The following EYS variants were observed in gnomAD, a reference collection of about 807,000 sequenced individuals.
EYS encodes the protein EGF-like photoreceptor maintenance factor, also known as protein eyes shut homolog.
EYS carries 250 observed loss-of-function variants against 282.1 expected under a neutral mutation model. That is an observed-to-expected ratio of 0.89 (90% CI 0.80 to 0.98). The LOEUF (loss-of-function observed/expected upper bound fraction) is 0.98. EYS is among the 50% of genes least tolerant of loss of function. The pLI, the probability that EYS is intolerant of heterozygous loss-of-function variation, is 0.00. For missense variants in EYS, 4,016 were observed against 3,709.0 expected (o/e 1.08, Z -2.15); for synonymous variants, 1,355 against 1,282.9 (o/e 1.06, Z -1.20).
intron 29 of EYS, among the ~76,000 whole-genome samples, chr6:64,339,752 C>T (rs1000697417): frequency 6.6e-6 from 1 of 151,692 alleles, no homozygotes; most frequent in African/African-American, 2.4e-5. Flanking sequence ...GCATTTGCAG[C>T]GACCTGGATG....
Position 65,494,824 on chromosome 6 carries a change from T to C in EYS, c.587A>G (p.Lys196Arg). The change falls in exon 4 of 43, where the codon AAG (lysine) becomes AGG (arginine). Residue 196 changes from lysine (K) to arginine (R), a missense_variant. By Grantham distance (26) the Lys-to-Arg change is conservative. Transcript: ENST00000503581. Reference sequence around the variant, plus strand: ...AGGCTGGCAATGGCAGCTATATGTCTTGCTCCAAGCTTCACTAAGACATTT... The same window carrying C: ...AGGCTGGCAATGGCAGCTATATGTCCTGCTCCAAGCTTCACTAAGACATTT... ...HGKCLSEAWSKTYSCHCQPPF... is the reference protein window; with the variant it reads ...HGKCLSEAWSRTYSCHCQPPF... 2 of 1,614,104 alleles carry C rather than the reference T, an allele frequency of 1.2e-6. No homozygotes were observed. Among genetic ancestry groups the C allele is most frequent in the Non-Finnish European group, 1.7e-6 (2 of 1,180,004 alleles).
intron 13 of EYS, among the ~76,000 whole-genome samples, chr6:65,035,831 C>T (rs1335426582): frequency 6.7e-6 from 1 of 150,108 alleles, no homozygotes; most frequent in African/African-American, 2.4e-5. Flanking sequence ...TATCCAGGCT[C>T]TTTTCTGGTT....
chr6:65,317,920 G>T lies in EYS; in HGVS notation c.1766+17060C>A, dbSNP rs1156233486. Among the ~76,000 whole-genome samples, 49 of 145,510 alleles carry T rather than the reference G, an allele frequency of 3.4e-4. 1 individual carries two copies. Among genetic ancestry groups the T allele is most frequent in the African/African-American group, 1.2e-3 (45 of 38,612 alleles). On this transcript the variant is annotated intron_variant, in intron 11 of 42. Transcript: ENST00000503581. ...TCTCCCTCTGTTGCCCAGGCTGGAG[G>T]GCAGTGGTGCGATCTCGGCTCACCG... is the stretch of plus-strand genomic sequence containing the variant.
At chr6:64,115,125 C>T (rs1467963809) in intron 31 of EYS, among the ~76,000 whole-genome samples, 1 of 152,198 alleles carries the variant, frequency 6.6e-6, no homozygotes, top group Non-Finnish European at 1.5e-5. Context: ...GAAGCTACCT[C>T]TGTAGAAGGT....
chr6:63,873,840 T>C (rs771042992), intron 35 of EYS, among the ~76,000 whole-genome samples: 2 of 152,174 alleles, frequency 1.3e-5, no homozygotes, highest in Non-Finnish European at 2.9e-5. Context: ...TTGATGGGTT[T>C]TTTTTATTTT....
At chr6:65,619,487 T>C (rs1248939539) in intron 2 of EYS, among the ~76,000 whole-genome samples, 2 of 152,206 alleles carry the variant, frequency 1.3e-5, no homozygotes, top group African/African-American at 2.4e-5. Context: ...TATACAATCA[T>C]GTCATCTGCA....
chr6:64,582,221 G>C (rs1159943134), intron 26 of EYS, among the ~76,000 whole-genome samples: 1 of 152,142 alleles, frequency 6.6e-6, no homozygotes. Context: ...TCTGTGGCCT[G>C]TTAGGAACTG....
intron 2 of EYS, among the ~76,000 whole-genome samples, chr6:65,599,222 T>C (rs1765526558): frequency 6.6e-6 from 1 of 151,894 alleles, no homozygotes; most frequent in Non-Finnish European, 1.5e-5. Flanking sequence ...CCAACTGTAA[T>C]TATTGAAAAA....
chr6:64,699,872 G>A (rs559596994), intron 22 of EYS, among the ~76,000 whole-genome samples: 9 of 151,954 alleles, frequency 5.9e-5, no homozygotes, highest in East Asian at 5.8e-4. Flanking sequence ...TGTCAAGGCC[G>A]GAAAGGGACA....
At chr6:64,601,048 TA>T (rs142373191) in intron 24 of EYS, among the ~76,000 whole-genome samples, 387 of 152,128 alleles carry the variant, frequency 2.5e-3, no homozygotes, top group East Asian at 0.01. Flanking sequence ...TACCACCTTC[TA>T]AAAAACTTGG....
intron 12 of EYS, among the ~76,000 whole-genome samples, chr6:65,233,413 G>T (rs997615337): frequency 3.3e-5 from 5 of 152,118 alleles, no homozygotes; most frequent in Admixed American, 6.6e-5. Flanking sequence ...TTTCCTTGCA[G>T]TGTTTTCCCT....
intron 22 of EYS, among the ~76,000 whole-genome samples, chr6:64,650,688 C>T (rs192771418): frequency 1.3e-5 from 2 of 152,120 alleles, no homozygotes; most frequent in East Asian, 3.9e-4. Flanking sequence ...CAAGCCTGAG[C>T]TCTAGTATCA....
intron 22 of EYS, among the ~76,000 whole-genome samples, chr6:64,780,812 T>C (rs1773836210): frequency 1.3e-5 from 2 of 152,176 alleles, no homozygotes; most frequent in African/African-American, 4.8e-5. Context: ...AAAATTATTC[T>C]ATAGAGGAAT....
rs141582125 is a variant in EYS, at chr6:63,930,163, G to A, written c.7055+54220C>T. Among the ~76,000 whole-genome samples, 237 of 152,188 alleles carry A rather than the reference G, an allele frequency of 1.6e-3. 3 individuals carry two copies. The highest frequency in any genetic ancestry group is 5.5e-3 in the African/African-American group (227 of 41,526). The stretch of plus-strand genomic sequence containing the variant: ...AGAAATAATAAGTATGTGAAGTGAT[G>A]GATGTATTACTTAGCCTGATGTATT... On this transcript the variant is annotated intron_variant, in intron 35 of 42. Coordinates refer to ENST00000503581, the MANE Select transcript of EYS (RefSeq NM_001142800.2).
chr6:64,587,611 A>T lies in EYS; in HGVS notation c.5644+2612T>A, dbSNP rs1018144014. ...CCATTTAGTGTTAGATGTTAGGTGTACAAGAGTGAACAACACAGAAATCAT... is the reference window on the plus strand; with the variant it reads ...CCATTTAGTGTTAGATGTTAGGTGTTCAAGAGTGAACAACACAGAAATCAT... On this transcript the variant is annotated intron_variant, in intron 26 of 42. Transcript: ENST00000503581. Among the ~76,000 whole-genome samples, 2 of 152,050 alleles carry T rather than the reference A, an allele frequency of 1.3e-5. 1 individual carries two copies. The highest frequency in any genetic ancestry group is 2.9e-5 in the Non-Finnish European group (2 of 67,984).
intron 1 of EYS, among the ~76,000 whole-genome samples, chr6:65,667,035 A>G (rs1465843212): frequency 6.6e-6 from 1 of 151,828 alleles, no homozygotes; most frequent in African/African-American, 2.4e-5. Context: ...CTAGGTACTA[A>G]CAAATCAGAA....
chr6:64,476,364 T>A lies in EYS; in HGVS notation c.5645-37012A>T, dbSNP rs1776266438. ...AAATAACATAAAAAGAAGTGATGTA[T>A]TAATATTATTTTTTGAAGTAAGCTA... On this transcript the variant is annotated intron_variant, in intron 26 of 42. Coordinates refer to ENST00000503581, the MANE Select transcript of EYS (RefSeq NM_001142800.2). Among the ~76,000 whole-genome samples, 2 of 151,860 alleles carry A rather than the reference T, an allele frequency of 1.3e-5. 1 individual carries two copies. The highest frequency in any genetic ancestry group is 4.1e-4 in the South Asian group (2 of 4,826).
chr6:64,295,180 C>G (rs968299868), intron 30 of EYS, among the ~76,000 whole-genome samples: 9 of 150,848 alleles, frequency 6.0e-5, no homozygotes, highest in Non-Finnish European at 1.2e-4. Context: ...CAAGACCATC[C>G]TGGCTAACAT....
chr6:64,998,057 AT>A (rs546213525), intron 13 of EYS, among the ~76,000 whole-genome samples: 10 of 152,214 alleles, frequency 6.6e-5, no homozygotes, highest in African/African-American at 2.4e-4. Flanking sequence ...GTATCATTTA[AT>A]TTTCCCAAGT....
Sources: gnomAD v4.1 joint callset for allele counts (sites outside exome capture counted in the v4.1 genomes callset) on GRCh38, gnomAD v4.1.1 for gene constraint, MANE v1.5 for transcripts, NCBI Gene and HGNC (gene_info 2026-07-23, HGNC 2026-07-21) for gene names.